Variants in RORA observed in about 807,000 individuals in gnomAD.
RORA encodes nuclear receptor ROR-alpha.
RORA carries 7 observed loss-of-function variants against 69.5 expected under a neutral mutation model. The observed-to-expected ratio is 0.10, with a 90% CI of 0.06 to 0.19. The LOEUF (loss-of-function observed/expected upper bound fraction) is 0.19, where lower values mean the gene tolerates loss of function less well. RORA is among the 10% of genes least tolerant of loss of function. RORA has a pLI of 1.00. For missense variants in RORA, 457 were observed against 663.0 expected (o/e 0.69, Z 3.41); for synonymous variants, 261 against 240.8 (o/e 1.08, Z -0.78).
chr15:61,050,162 G>A (rs890993547), intron 1 of RORA, among the ~76,000 whole-genome samples: 3 of 152,146 alleles, frequency 2.0e-5, no homozygotes, highest in Non-Finnish European at 2.9e-5. Context: ...GCTTGTTTTC[G>A]TAAATTTTCA....
chr15:60,505,071 C>T (rs1466046441), intron 6 of RORA, among the ~76,000 whole-genome samples: 2 of 152,176 alleles, frequency 1.3e-5, no homozygotes, highest in Non-Finnish European at 2.9e-5. Flanking sequence ...ATGATCACAG[C>T]TTCTAAATTT....
At chr15:60,499,797 G>T in intron 10 of RORA, 95 bp downstream of exon 10, 1 of 666,090 alleles carries the variant, frequency 1.5e-6, no homozygotes, top group Non-Finnish European at 2.6e-6. Flanking sequence ...GATACTTTTG[G>T]GAATTGGTCA....
rs561868498 is a variant in RORA at position 60,930,783 on chromosome 15, G to A, written c.167-252097C>T. The stretch of plus-strand genomic sequence containing the variant: ...GGTGACTGTCATCACCTGCTCATCT[G>A]CTCACCTGTAGACTTTGAGGTCCGT... On this transcript the variant is annotated intron_variant, in intron 1 of 10. Transcript: ENST00000335670. 2.0e-5 allele frequency among the ~76,000 whole-genome samples: 3 copies of A among 152,270 alleles called. No homozygotes were observed. The East Asian group carries it at 5.8e-4, about 29-fold the overall frequency.
intron 2 of RORA, chr15:60,558,115 GAAGTATGCCCAGTGCCACACC>G: frequency 1.5e-6 from 1 of 646,682 alleles, no homozygotes; most frequent in East Asian, 3.0e-5. Flanking sequence ...TTTTTGTCTA[GAAGTATGCCCAGTGCCACACC>G]GGGGGAAAGG....
At chr15:61,030,664 A>G (rs1364779198) in intron 1 of RORA, among the ~76,000 whole-genome samples, 1 of 152,176 alleles carries the variant, frequency 6.6e-6, no homozygotes, top group Admixed American at 6.5e-5. Flanking sequence ...TGGGGCCCAT[A>G]ACAGGATGGT....
chr15:61,156,625 C>T (rs1191439050), intron 1 of RORA, among the ~76,000 whole-genome samples: 3 of 152,126 alleles, frequency 2.0e-5, no homozygotes, highest in South Asian at 2.1e-4. Context: ...GAGGAAAGTT[C>T]TGGAAGCTAC....
At chr15:60,752,862 G>T (rs2071746534) in intron 1 of RORA, among the ~76,000 whole-genome samples, 1 of 152,174 alleles carries the variant, frequency 6.6e-6, no homozygotes, top group Admixed American at 6.5e-5. Flanking sequence ...ACCTTTCAGT[G>T]CAGATTAGAT....
chr15:60,842,049 C>G (rs2073205851), intron 1 of RORA, among the ~76,000 whole-genome samples: 1 of 152,014 alleles, frequency 6.6e-6, no homozygotes, highest in South Asian at 2.1e-4. Flanking sequence ...ATATCTTTGA[C>G]CCCTTCTTCC....
chr15:60,841,739 C>T (rs1401577328), intron 1 of RORA, among the ~76,000 whole-genome samples: 1 of 152,214 alleles, frequency 6.6e-6, no homozygotes, highest in Non-Finnish European at 1.5e-5. Context: ...TCTCTCCTCC[C>T]CGTCATGATG....
chr15:60,889,629 A>G (rs1199088523), intron 1 of RORA, among the ~76,000 whole-genome samples: 1 of 152,218 alleles, frequency 6.6e-6, no homozygotes, highest in Admixed American at 6.5e-5. Flanking sequence ...GTGCGGGAGG[A>G]TGCCTGGGAG....
At chr15:61,040,634 T>C (rs1483915845) in intron 1 of RORA, among the ~76,000 whole-genome samples, 1 of 152,014 alleles carries the variant, frequency 6.6e-6, no homozygotes, top group Non-Finnish European at 1.5e-5. Context: ...TGAGGACAAA[T>C]ACAGTTCTTT....
chr15:60,833,408 G>A (rs1595751932), intron 1 of RORA, among the ~76,000 whole-genome samples: 2 of 152,058 alleles, frequency 1.3e-5, no homozygotes, highest in East Asian at 1.9e-4. Context: ...TAGAGATGGG[G>A]TTTCACCACG....
chr15:61,137,794 T>C (rs1365055434), intron 1 of RORA, among the ~76,000 whole-genome samples: 2 of 152,250 alleles, frequency 1.3e-5, no homozygotes, highest in Admixed American at 6.5e-5. Flanking sequence ...TTAAATTTAA[T>C]GATGAAATAA....
At chr15:61,203,595 G>C (rs1406291620) in intron 1 of RORA, among the ~76,000 whole-genome samples, 1 of 152,100 alleles carries the variant, frequency 6.6e-6, no homozygotes, top group Non-Finnish European at 1.5e-5. Flanking sequence ...AAAATGAGTA[G>C]ATCACTCATA....
At chr15:61,126,216 A>G (rs2079141381) in intron 1 of RORA, among the ~76,000 whole-genome samples, 1 of 152,192 alleles carries the variant, frequency 6.6e-6, no homozygotes, top group East Asian at 1.9e-4. Context: ...CTCCAGCTTT[A>G]TTACAGCCTA....
intron 2 of RORA, among the ~76,000 whole-genome samples, chr15:60,577,459 C>G (rs1038985987): frequency 1.3e-5 from 2 of 152,104 alleles, no homozygotes; most frequent in East Asian, 1.9e-4. Context: ...GCCTGGCCAA[C>G]ATGGTAAAAC....
intron 1 of RORA, among the ~76,000 whole-genome samples, chr15:61,179,783 A>G (rs2079664516): frequency 1.3e-5 from 2 of 152,174 alleles, no homozygotes; most frequent in African/African-American, 4.8e-5. Flanking sequence ...TCTTTGGATA[A>G]CCATCTTCAG....
rs1049496475 is a variant in RORA, at chr15:60,490,708, T to G, written c.*6747A>C. 4 of 152,190 alleles carry G rather than the reference T, an allele frequency of 2.6e-5. No homozygotes were observed. Among genetic ancestry groups the G allele is most frequent in the Non-Finnish European group, 5.9e-5 (4 of 68,004 alleles). 9.4% of individuals were successfully genotyped at this position (152,190 alleles called of 1,614,324 possible). Reference sequence around the variant, plus strand: ...AGTCTATGCACAAAAGTCATTTGTTTTATTGCTTGACATTCAGTTATGGCT... The same window carrying G: ...AGTCTATGCACAAAAGTCATTTGTTGTATTGCTTGACATTCAGTTATGGCT... On this transcript the variant is annotated 3_prime_UTR_variant, in exon 11 of 11. Transcript: ENST00000335670. This position sits in a 1 kb window ranked among gnomAD's most constrained non-coding sequence, Gnocchi z 4.1.
At chr15:60,615,088 C>T in intron 2 of RORA, 2 of 1,579,222 alleles carry the variant, frequency 1.3e-6, no homozygotes, top group Admixed American at 1.7e-5. Flanking sequence ...TTCCTAGAAC[C>T]TGGTGGTGGA....
Sources: gnomAD v4.1 joint callset for allele counts (sites outside exome capture counted in the v4.1 genomes callset) on GRCh38, gnomAD v4.1.1 for gene constraint, Gnocchi (gnomAD v3.1) non-coding constraint, MANE v1.5 for transcripts, NCBI Gene and HGNC (gene_info 2026-07-23, HGNC 2026-07-21) for gene names.